The following ZNF592 variants were observed in gnomAD, a reference collection of about 807,000 sequenced individuals.
ZNF592 encodes zinc finger protein 592.
ZNF592 carries 11 observed loss-of-function variants against 80.3 expected under a neutral mutation model. The observed-to-expected ratio is 0.14, with a 90% CI of 0.09 to 0.23. The LOEUF (loss-of-function observed/expected upper bound fraction) is 0.23. Among genes scored for constraint, ZNF592 ranks in the 10% least tolerant of loss-of-function variants. The pLI is 1.00. For synonymous variants in ZNF592, 646 were observed against 640.3 expected (o/e 1.01, Z -0.13); for missense variants, 1,420 against 1,633.9 (o/e 0.87, Z 2.26).
Position 84,798,380 on chromosome 15 carries a change from A to G in ZNF592, c.2642A>G (p.Tyr881Cys), listed in dbSNP as rs1052004781. Reference protein sequence around the residue: ...NKKRHIQQHFYQNVSKTQVGV... With the variant: ...NKKRHIQQHFCQNVSKTQVGV... Reference sequence around the variant, plus strand: ...AAGAGGCACATTCAGCAGCATTTTTACCAGAATGTCAGCAAGACGCAGGTG... The same window carrying G: ...AAGAGGCACATTCAGCAGCATTTTTGCCAGAATGTCAGCAAGACGCAGGTG... The change falls in exon 7 of 11, where the codon TAC (tyrosine) becomes TGC (cysteine). Residue 881 changes from tyrosine to cysteine, a missense_variant. Physicochemically the swap from Tyr to Cys is radical, Grantham distance 194 (BLOSUM62 -2). Coordinates refer to ENST00000560079, the MANE Select transcript of ZNF592 (RefSeq NM_014630.3). This position sits in a 1 kb window ranked among gnomAD's most constrained non-coding sequence, Gnocchi z 4.5. The G allele has an allele frequency of 1.2e-6, 2 of 1,614,094 alleles. No individual in the cohort carries two copies. Among genetic ancestry groups the G allele is most frequent in the Admixed American group, 1.7e-5 (1 of 60,008 alleles).
intron 2 of ZNF592, among the ~76,000 whole-genome samples, chr15:84,773,849 A>G (rs1160678678): frequency 6.6e-6 from 1 of 152,118 alleles, no homozygotes; most frequent in Non-Finnish European, 1.5e-5. Context: ...CAACTCTGGT[A>G]TGTTTTTCTT....
intron 5 of ZNF592, among the ~76,000 whole-genome samples, chr15:84,792,257 C>T (rs1247383675): frequency 1.4e-5 from 2 of 147,076 alleles, no homozygotes; most frequent in Non-Finnish European, 3.0e-5. Context: ...TTGGCAGAGG[C>T]GAGGCTAGGC....
At chr15:84,795,364 T>C (rs988014913) in intron 5 of ZNF592, among the ~76,000 whole-genome samples, 4 of 152,266 alleles carry the variant, frequency 2.6e-5, no homozygotes, top group African/African-American at 9.6e-5. Flanking sequence ...GTCATATGGT[T>C]GGCACTCTTT....
chr15:84,790,817 G>A lies in ZNF592; in HGVS notation c.2333G>A (p.Arg778His), dbSNP rs1252473253. ...TGCCCGGAGTGTGGGGTCCTCTGCC[G>A]CTCTGCCTACTTCCAGACCCATGTA... ...YCCPECGVLC[R>H]SAYFQTHVKE... Residue 778 changes from arginine to histidine, a missense_variant, in exon 5 of 11, where the codon CGC becomes CAC. Physicochemically the swap from Arg to His is conservative, Grantham distance 29. Coordinates refer to ENST00000560079, the MANE Select transcript of ZNF592 (RefSeq NM_014630.3). 5 of 1,614,090 alleles carry A rather than the reference G, an allele frequency of 3.1e-6. No individual in the cohort carries two copies. The highest frequency in any genetic ancestry group is 2.2e-5 in the East Asian group (1 of 44,892).
At chr15:84,762,933 T>C (rs571111684) in intron 1 of ZNF592, among the ~76,000 whole-genome samples, 1 of 152,314 alleles carries the variant, frequency 6.6e-6, no homozygotes, top group East Asian at 1.9e-4. Flanking sequence ...TCTAGAACAG[T>C]GTTCTAGAGC....
Position 84,784,898 on chromosome 15 carries a change from A to G in ZNF592, c.2220+3A>G, listed in dbSNP as rs773364807. 1 of 1,614,072 alleles carries G rather than the reference A, an allele frequency of 6.2e-7. No homozygotes were observed. The highest frequency in any genetic ancestry group is 8.5e-7 in the Non-Finnish European group (1 of 1,179,984). The stretch of plus-strand genomic sequence containing the variant: ...CAACAGAGGAGACAGAGGGGCTGGT[A>G]AGCAGACCCTCACTGTTACGGGTAT... On this transcript the variant is annotated splice_donor_region_variant and intron_variant, in intron 4 of 10. Coordinates refer to ENST00000560079, the MANE Select transcript of ZNF592 (RefSeq NM_014630.3). This position sits in a 1 kb window ranked among gnomAD's most constrained non-coding sequence, Gnocchi z 5.8.
chr15:84,781,339 C>T (rs570742220), intron 3 of ZNF592, among the ~76,000 whole-genome samples: 4 of 151,912 alleles, frequency 2.6e-5, no homozygotes, highest in Admixed American at 6.5e-5. Flanking sequence ...AGAGCCACTG[C>T]GACGGGCCCT....
In ZNF592 at chr15:84,799,762, C is replaced by G; in HGVS notation, c.3138-80C>G. ...CCAGGAGTCTGCTCCAGACTCCCTC[C>G]TTCCTGGCCTTGGTGTGAATAGCAC... On this transcript the variant is annotated intron_variant, in intron 9 of 10. Coordinates refer to ENST00000560079, the MANE Select transcript of ZNF592 (RefSeq NM_014630.3). The surrounding 1 kb of genome is among the most constrained non-coding windows in gnomAD (Gnocchi z 4.2). The G allele has an allele frequency of 6.2e-7, 1 of 1,601,710 alleles. No homozygotes were observed. The highest frequency in any genetic ancestry group is 8.5e-7 in the Non-Finnish European group (1 of 1,176,484).
At chr15:84,774,850 G>A (rs902382170) in intron 2 of ZNF592, among the ~76,000 whole-genome samples, 1 of 152,098 alleles carries the variant, frequency 6.6e-6, no homozygotes, top group East Asian at 1.9e-4. Context: ...GCGTGATCTC[G>A]GCTCACTGTA....
intron 4 of ZNF592, among the ~76,000 whole-genome samples, chr15:84,790,406 G>A (rs1033737173): frequency 6.6e-6 from 1 of 152,160 alleles, no homozygotes; most frequent in Non-Finnish European, 1.5e-5. Context: ...CAAAGGAAAA[G>A]CTGGTCCTCT....
rs998189909 is a variant in ZNF592, at chr15:84,802,531, C to T, written c.*138C>T. 2.9e-6 allele frequency: 3 copies of T among 1,035,348 alleles called. No homozygotes were observed. The highest frequency in any genetic ancestry group is 4.3e-6 in the Non-Finnish European group (3 of 696,890). 64.1% of individuals were successfully genotyped at this position (1,035,348 alleles called of 1,614,324 possible). The stretch of plus-strand genomic sequence containing the variant: ...ACCCTGGAGTAGTGTCTGCCCTGAG[C>T]TGCCAGTGCTGGGTATCCCCCAGCC... On this transcript the variant is annotated 3_prime_UTR_variant, in exon 11 of 11. Coordinates refer to ENST00000560079, the MANE Select transcript of ZNF592 (RefSeq NM_014630.3).
intron 1 of ZNF592, among the ~76,000 whole-genome samples, chr15:84,758,034 A>C (rs2141961187): frequency 6.7e-6 from 1 of 149,912 alleles, no homozygotes; most frequent in South Asian, 2.1e-4. Context: ...GTGCAGTGGC[A>C]AGATCTCGGC....
intron 3 of ZNF592, among the ~76,000 whole-genome samples, chr15:84,779,989 G>T (rs8023658): frequency 0.52 from 72,358 of 138,704 alleles, 19,076 homozygotes; most frequent in East Asian, 0.79. Flanking sequence ...AGACAGTTTT[G>T]TTTTTTTTTT....
chr15:84,792,419 A>T (rs977770184), intron 5 of ZNF592, among the ~76,000 whole-genome samples: 1 of 152,192 alleles, frequency 6.6e-6, no homozygotes, highest in South Asian at 2.1e-4. Context: ...AAGTTTTGCA[A>T]TGACTCCCAC....
chr15:84,793,615 A>G (rs2141995737), intron 5 of ZNF592, among the ~76,000 whole-genome samples: 1 of 152,320 alleles, frequency 6.6e-6, no homozygotes, highest in South Asian at 2.1e-4. Flanking sequence ...CAGTGTTCAT[A>G]ACAGAGTTGT....
chr15:84,762,945 A>G (rs1014073602), intron 1 of ZNF592, among the ~76,000 whole-genome samples: 3 of 152,180 alleles, frequency 2.0e-5, no homozygotes, highest in East Asian at 1.9e-4. Context: ...TTCTAGAGCA[A>G]TGTTGTCTAA....
In ZNF592 at chr15:84,798,309, C is replaced by T. The variant is rs1172860335; in HGVS notation, c.2577-6C>T. 18 of 1,614,066 alleles carry T rather than the reference C, an allele frequency of 1.1e-5. No individual in the cohort carries two copies. Among genetic ancestry groups the T allele is most frequent in the Admixed American group, 1.7e-5 (1 of 60,008 alleles). On this transcript the variant is annotated splice_region_variant and splice_polypyrimidine_tract_variant and intron_variant, in intron 6 of 10. Coordinates refer to ENST00000560079, the MANE Select transcript of ZNF592 (RefSeq NM_014630.3). This position sits in a 1 kb window ranked among gnomAD's most constrained non-coding sequence, Gnocchi z 4.5. ...CCACCTCACCCCCTAGGGCTTGTCT[C>T]ATCAGGCTCATTTATAAGTGCTCCT... is the stretch of plus-strand genomic sequence containing the variant.
intron 1 of ZNF592, among the ~76,000 whole-genome samples, chr15:84,756,304 A>G (rs1382310424): frequency 6.6e-6 from 1 of 152,360 alleles, no homozygotes; most frequent in African/African-American, 2.4e-5. Context: ...GAGCCAGCAG[A>G]GTGGACTCTG....
At position 84,799,701 on chromosome 15, in the gene ZNF592, G is replaced by A; in HGVS notation, c.3138-141G>A. 3 of 1,299,292 alleles carry A rather than the reference G, an allele frequency of 2.3e-6. No homozygotes were observed. The highest frequency in any genetic ancestry group is 2.9e-5 in the African/African-American group (2 of 68,972). 80.5% of individuals were successfully genotyped at this position (1,299,292 alleles called of 1,614,324 possible). A position where few individuals can be genotyped will look rare whatever the true frequency, so the allele number is the denominator to read the frequency against. ...TGTCTGCTACCTTGGCTGGCCTGCT[G>A]GCTGGATCTCTCTGGGGTTCCCAGC... On this transcript the variant is annotated intron_variant, in intron 9 of 10. Transcript: ENST00000560079. The surrounding 1 kb of genome is among the most constrained non-coding windows in gnomAD (Gnocchi z 4.2).
Sources: gnomAD v4.1 joint callset for allele counts (sites outside exome capture counted in the v4.1 genomes callset) on GRCh38, gnomAD v4.1.1 for gene constraint, Gnocchi (gnomAD v3.1) non-coding constraint, MANE v1.5 for transcripts, NCBI Gene and HGNC (gene_info 2026-07-23, HGNC 2026-07-21) for gene names.